The following MSRA variants were observed in gnomAD, a reference collection of about 807,000 sequenced individuals.
MSRA encodes the protein mitochondrial peptide methionine sulfoxide reductase.
MSRA carries 54 observed loss-of-function variants against 31.3 expected under a neutral mutation model. The ratio of observed to expected loss-of-function variants is 1.73; its 90% CI spans 1.39 to 2.17. The LOEUF (loss-of-function observed/expected upper bound fraction) is 2.17. MSRA is among the 30% of genes most tolerant of loss of function. MSRA has a pLI of 0.00. For missense variants in MSRA, 507 were observed against 300.9 expected, an observed-to-expected ratio of 1.69 and a Z score of -5.07; for synonymous variants, 169 against 116.5, an observed-to-expected ratio of 1.45 and a Z score of -2.90.
chr8:10,371,636 AG>A (rs1805482623), intron 5 of MSRA, among the ~76,000 whole-genome samples: 1 of 152,062 alleles, frequency 6.6e-6, no homozygotes, highest in East Asian at 1.9e-4. Context: ...AGTTTTCCAG[AG>A]TCCTTTCCCT....
chr8:10,054,483 TC>T lies in MSRA; in HGVS notation c.-29del. 2.0e-6 allele frequency: 3 copies of T among 1,537,168 alleles called. No individual in the cohort carries two copies. The highest frequency in any genetic ancestry group is 1.2e-5 in the South Asian group (1 of 85,060). On this transcript the variant is annotated 5_prime_UTR_variant, in exon 1 of 6. Coordinates refer to ENST00000317173, the MANE Select transcript of MSRA (RefSeq NM_012331.5). ...TGCGGCTCCGCTGCCGGTAGCGCCGTCCCCCGGGACCACCCTTCGGCTGGCG... is the reference window on the plus strand; with the variant it reads ...TGCGGCTCCGCTGCCGGTAGCGCCGTCCCCGGGACCACCCTTCGGCTGGCG...
intron 5 of MSRA, among the ~76,000 whole-genome samples, chr8:10,363,737 ACCAC>A (rs1804991027): frequency 5.2e-5 from 1 of 19,176 alleles, no homozygotes; most frequent in African/African-American, 9.3e-5. Flanking sequence ...AGATGCAGTC[ACCAC>A]ACACACACAC....
intron 1 of MSRA, among the ~76,000 whole-genome samples, chr8:10,190,161 G>T (rs555968302): frequency 2.0e-5 from 3 of 152,186 alleles, no homozygotes; most frequent in South Asian, 4.2e-4. Context: ...GGGGGAGGGG[G>T]GTCATTGCTG....
chr8:10,303,684 C>G (rs375652186), intron 4 of MSRA, among the ~76,000 whole-genome samples: 1 of 152,168 alleles, frequency 6.6e-6, no homozygotes, highest in South Asian at 2.1e-4. Flanking sequence ...CCATCTCTTT[C>G]CATAGGTCAG....
chr8:10,104,523 T>A (rs1177455483), intron 1 of MSRA, among the ~76,000 whole-genome samples: 2 of 152,098 alleles, frequency 1.3e-5, no homozygotes, highest in African/African-American at 4.8e-5. Flanking sequence ...TAGGTAGATA[T>A]AAAAATTTTG....
chr8:10,069,632 C>G (rs1797635334), intron 1 of MSRA, among the ~76,000 whole-genome samples: 1 of 152,162 alleles, frequency 6.6e-6, no homozygotes, highest in Non-Finnish European at 1.5e-5. Flanking sequence ...GAAAAGTGAG[C>G]TAGCTGAATG....
intron 1 of MSRA, among the ~76,000 whole-genome samples, chr8:10,075,879 C>G (rs1797971583): frequency 6.6e-6 from 1 of 152,200 alleles, no homozygotes; most frequent in Admixed American, 6.5e-5. Flanking sequence ...TATGGAGACT[C>G]ATTTATGCCG....
At chr8:10,091,575 G>A (rs956432781) in intron 1 of MSRA, among the ~76,000 whole-genome samples, 1 of 151,138 alleles carries the variant, frequency 6.6e-6, no homozygotes, top group African/African-American at 2.4e-5. Flanking sequence ...TTGGATATAT[G>A]CTCAGAAGTG....
chr8:10,264,917 G>A (rs1340353645), intron 3 of MSRA, among the ~76,000 whole-genome samples: 8 of 152,132 alleles, frequency 5.3e-5, no homozygotes, highest in Non-Finnish European at 1.0e-4. Flanking sequence ...CCCTCTATGC[G>A]ATGAGAAGCT....
intron 3 of MSRA, among the ~76,000 whole-genome samples, chr8:10,265,156 G>T (rs1798681024): frequency 6.6e-6 from 1 of 152,222 alleles, no homozygotes; most frequent in Non-Finnish European, 1.5e-5. Context: ...GAAGAGGCCA[G>T]TCCATATTCC....
chr8:10,089,895 C>A (rs991504805), intron 1 of MSRA, among the ~76,000 whole-genome samples: 4 of 152,182 alleles, frequency 2.6e-5, no homozygotes, highest in African/African-American at 9.7e-5. Flanking sequence ...AGAATGGCAC[C>A]AATCCGTTCA....
chr8:10,225,164 C>T (rs1051148706), intron 2 of MSRA, among the ~76,000 whole-genome samples: 1 of 152,120 alleles, frequency 6.6e-6, no homozygotes. Flanking sequence ...TACATGCATA[C>T]AACTTCTCAC....
intron 5 of MSRA, among the ~76,000 whole-genome samples, chr8:10,327,894 C>G (rs1004432202): frequency 1.3e-5 from 2 of 152,096 alleles, no homozygotes; most frequent in African/African-American, 4.8e-5. Flanking sequence ...GATTGCGCCA[C>G]TGCACTCCAG....
intron 5 of MSRA, among the ~76,000 whole-genome samples, chr8:10,381,425 A>G (rs1348968285): frequency 6.6e-6 from 1 of 152,218 alleles, no homozygotes; most frequent in Admixed American, 6.5e-5. Flanking sequence ...CCTGAAGAGC[A>G]GAATCCCCAG....
rs918452381 is a variant in MSRA, at chr8:10,118,098, C to G, written c.142+63440C>G. ...ATTTTCTTTTCCCTGGGTGTTCATT[C>G]TCCCCTTGGGCTGATGGTGGTTGGC... On this transcript the variant is annotated intron_variant, in intron 1 of 5. Transcript: ENST00000317173. Among the ~76,000 whole-genome samples, 3 of 152,294 alleles carry G rather than the reference C, an allele frequency of 2.0e-5. No homozygotes were observed. The East Asian group carries it at 5.8e-4, about 29-fold the overall frequency.
intron 1 of MSRA, among the ~76,000 whole-genome samples, chr8:10,162,550 T>G (rs926531807): frequency 2.0e-5 from 3 of 152,036 alleles, no homozygotes. Flanking sequence ...GGAGGAGGAC[T>G]GGCGGCCGTC....
At chr8:10,117,914 G>A (rs1800803466) in intron 1 of MSRA, among the ~76,000 whole-genome samples, 1 of 152,094 alleles carries the variant, frequency 6.6e-6, no homozygotes. Flanking sequence ...CAACACAAAT[G>A]TAACCTTTCA....
At chr8:10,168,277 GTGT>G (rs1805314527) in intron 1 of MSRA, among the ~76,000 whole-genome samples, 1 of 152,112 alleles carries the variant, frequency 6.6e-6, no homozygotes, top group Non-Finnish European at 1.5e-5. Flanking sequence ...CTAAAACCTT[GTGT>G]TGTTTTATAT....
At chr8:10,054,799 A>C in intron 1 of MSRA, 141 bp downstream of exon 1, 1 of 950,834 alleles carries the variant, frequency 1.1e-6, no homozygotes. Flanking sequence ...CGCAGGCGCG[A>C]AGGGGCGCCG....
Sources: allele counts gnomAD v4.1 joint callset (sites outside exome capture counted in the v4.1 genomes callset), GRCh38; gene constraint gnomAD v4.1.1; transcripts MANE v1.5; gene names NCBI Gene and HGNC (gene_info 2026-07-23, HGNC 2026-07-21).